The following GPC5 variants were observed in gnomAD, a reference collection of about 807,000 sequenced individuals.
GPC5 encodes glypican 5.
GPC5 carries 47 observed loss-of-function variants against 53.9 expected under a neutral mutation model. That is an observed-to-expected ratio of 0.87 (90% confidence interval 0.69 to 1.11). GPC5 has a LOEUF of 1.11. GPC5 is among the 50% of genes most tolerant of loss of function. GPC5 has a pLI of 0.00. For missense variants in GPC5, 748 were observed against 713.1 expected (o/e 1.05, Z -0.56); for synonymous variants, 286 against 263.3 (o/e 1.09, Z -0.84).
chr13:92,858,792 C>T lies in GPC5; in HGVS notation c.1562-7490C>T, dbSNP rs1473398160. 2.0e-5 allele frequency among the ~76,000 whole-genome samples: 3 copies of T among 151,926 alleles called. No homozygotes were observed. In the South Asian group the frequency reaches 6.2e-4, roughly 32 times the overall value. On this transcript the variant is annotated intron_variant, in intron 7 of 7. Coordinates refer to ENST00000377067, the MANE Select transcript of GPC5 (RefSeq NM_004466.6). ...CTGTGTTACGAACCTGCACATGTAC[C>T]CCATGAAACTAAGATAAAAATGGAA...
At chr13:91,805,527 C>T (rs576045507) in intron 5 of GPC5, among the ~76,000 whole-genome samples, 14 of 152,204 alleles carry the variant, frequency 9.2e-5, no homozygotes, top group Admixed American at 3.9e-4. Context: ...ACACACAAGA[C>T]GTGTATATTA....
chr13:92,193,724 C>G (rs547347714), intron 7 of GPC5, among the ~76,000 whole-genome samples: 11 of 152,292 alleles, frequency 7.2e-5, no homozygotes, highest in African/African-American at 2.6e-4. Flanking sequence ...TACACCCATT[C>G]GGCTCTGCCC....
intron 7 of GPC5, chr13:92,340,133 G>A (rs890799661): frequency 1.3e-5 from 2 of 151,888 alleles, no homozygotes; most frequent in Admixed American, 1.3e-4. Context: ...ATGGAATTCT[G>A]GATTATTAAT....
chr13:91,598,873 T>C (rs955039802), intron 2 of GPC5, among the ~76,000 whole-genome samples: 1 of 151,788 alleles, frequency 6.6e-6, no homozygotes, highest in Admixed American at 6.6e-5. Context: ...TAAAGAAAAA[T>C]ATTCATCAGA....
intron 7 of GPC5, among the ~76,000 whole-genome samples, chr13:92,784,640 AG>A (rs1876151477): frequency 1.3e-5 from 2 of 152,168 alleles, no homozygotes; most frequent in Admixed American, 6.6e-5. Context: ...AGCAAATGTC[AG>A]GTCATTATAA....
chr13:92,607,149 C>A (rs1594342099), intron 7 of GPC5, among the ~76,000 whole-genome samples: 2 of 152,160 alleles, frequency 1.3e-5, no homozygotes, highest in Admixed American at 1.3e-4. Flanking sequence ...ATAGTTTGAG[C>A]AAGACCACAA....
chr13:91,680,031 C>T (rs1319995211), intron 2 of GPC5, among the ~76,000 whole-genome samples: 1 of 152,152 alleles, frequency 6.6e-6, no homozygotes, highest in African/African-American at 2.4e-5. Flanking sequence ...CGAAATGAGT[C>T]TATAGCTTCA....
intron 6 of GPC5, among the ~76,000 whole-genome samples, chr13:92,072,845 A>G (rs779653625): frequency 6.6e-6 from 1 of 152,214 alleles, no homozygotes; most frequent in Admixed American, 6.5e-5. Context: ...TGCTGGGATT[A>G]CAGGCATGAA....
intron 2 of GPC5, among the ~76,000 whole-genome samples, chr13:91,482,770 T>A (rs1883375461): frequency 6.6e-6 from 1 of 152,132 alleles, no homozygotes; most frequent in Admixed American, 6.6e-5. Flanking sequence ...ATGCAATAGA[T>A]GTGTGCGGTG....
chr13:92,804,524 C>A (rs966769545), intron 7 of GPC5, among the ~76,000 whole-genome samples: 5 of 151,972 alleles, frequency 3.3e-5, no homozygotes, highest in East Asian at 1.9e-4. Flanking sequence ...TGGAAAAATT[C>A]TTTGTTGCTA....
intron 7 of GPC5, among the ~76,000 whole-genome samples, chr13:92,317,281 G>A (rs1426062157): frequency 1.3e-5 from 2 of 152,096 alleles, no homozygotes; most frequent in African/African-American, 2.4e-5. Context: ...GCAGCAAGGG[G>A]AGGGTGTTTG....
intron 7 of GPC5, among the ~76,000 whole-genome samples, chr13:92,845,200 G>A (rs1285210508): frequency 1.3e-5 from 2 of 152,028 alleles, no homozygotes; most frequent in Non-Finnish European, 2.9e-5. Flanking sequence ...CAAAACTGAG[G>A]CACGATCCCT....
At chr13:92,638,166 G>A (rs964212910) in intron 7 of GPC5, among the ~76,000 whole-genome samples, 5 of 152,210 alleles carry the variant, frequency 3.3e-5, no homozygotes, top group Middle Eastern at 3.4e-3. Flanking sequence ...AGAAAATAAT[G>A]TATGAAAGAA....
At chr13:92,049,162 A>G (rs949205737) in intron 6 of GPC5, among the ~76,000 whole-genome samples, 3 of 152,152 alleles carry the variant, frequency 2.0e-5, no homozygotes, top group African/African-American at 7.2e-5. Flanking sequence ...ATGAACATTG[A>G]TTTTCACCTA....
chr13:92,414,148 C>T (rs1434440739), intron 7 of GPC5, among the ~76,000 whole-genome samples: 2 of 152,096 alleles, frequency 1.3e-5, no homozygotes, highest in African/African-American at 4.8e-5. Flanking sequence ...GGTCACTTTC[C>T]TCATTAAGCT....
intron 7 of GPC5, among the ~76,000 whole-genome samples, chr13:92,273,970 A>G (rs2042857909): frequency 6.6e-6 from 1 of 152,164 alleles, no homozygotes; most frequent in Non-Finnish European, 1.5e-5. Context: ...TCGCCTAACT[A>G]TACAAGAGTA....
intron 7 of GPC5, among the ~76,000 whole-genome samples, chr13:92,388,950 TA>T (rs1227639490): frequency 2.0e-5 from 3 of 152,090 alleles, no homozygotes; most frequent in Admixed American, 6.6e-5. Flanking sequence ...TCAACCAGAG[TA>T]ACCTTGTCTG....
chr13:91,559,788 G>A (rs539119131), intron 2 of GPC5, among the ~76,000 whole-genome samples: 12 of 152,112 alleles, frequency 7.9e-5, no homozygotes, highest in South Asian at 6.2e-4. Flanking sequence ...TTCTTCTCAT[G>A]AGTTAAGACA....
At chr13:92,738,548 C>T (rs1303193604) in intron 7 of GPC5, among the ~76,000 whole-genome samples, 1 of 152,030 alleles carries the variant, frequency 6.6e-6, no homozygotes, top group Admixed American at 6.6e-5. Flanking sequence ...GAAAAATATG[C>T]TGTCTGAGTG....
Sources: allele counts gnomAD v4.1 joint callset (sites outside exome capture counted in the v4.1 genomes callset), GRCh38; gene constraint gnomAD v4.1.1; transcripts MANE v1.5; gene names NCBI Gene and HGNC (gene_info 2026-07-23, HGNC 2026-07-21).